The following ZFX variants were observed in gnomAD, a reference collection of about 807,000 sequenced individuals.
ZFX encodes zinc finger X-chromosomal protein.
For synonymous variants in ZFX, 196 were observed against 226.8 expected (o/e 0.86, Z 1.22); for missense variants, 362 against 628.3 (o/e 0.58, Z 4.53).
Position 24,214,252 on chromosome X carries a change from ATATCC to A in ZFX, c.*2880_*2884del, listed in dbSNP as rs1233831664. The stretch of plus-strand genomic sequence containing the variant: ...TAATATAAGTTATTGTTCTGTAGAA[ATATCC>A]TATTAAATATTGTATGTCCCTCCCT... On this transcript the variant is annotated 3_prime_UTR_variant, in exon 10 of 10. Transcript: ENST00000304543. The A allele has an allele frequency of 2.7e-5, 3 of 112,115 alleles. No individual in the cohort carries two copies. Among genetic ancestry groups the A allele is most frequent in the Non-Finnish European group, 5.6e-5 (3 of 53,118 alleles). 9.2% of individuals were successfully genotyped at this position (112,115 alleles called of 1,213,427 possible). A position where few individuals can be genotyped will look rare whatever the true frequency, so the allele number is the denominator to read the frequency against.
intron 4 of ZFX, among the ~76,000 whole-genome samples, chrX:24,178,528 A>T (rs1336227854): frequency 9.2e-6 from 1 of 108,987 alleles, no homozygotes; most frequent in African/African-American, 3.3e-5. Flanking sequence ...TGACCTGGTC[A>T]TCCGCCCGTC....
At chrX:24,172,930 T>TA in intron 4 of ZFX, 130 bp downstream of exon 4, 5 of 614,671 alleles carry the variant, frequency 8.1e-6, no homozygotes, top group African/African-American at 2.3e-5. Flanking sequence ...TCACAGGTGT[T>TA]ACGGTGAGCA....
At chrX:24,181,254 A>T (rs1935662383) in intron 5 of ZFX, among the ~76,000 whole-genome samples, 2 of 112,383 alleles carry the variant, frequency 1.8e-5, no homozygotes, top group African/African-American at 6.5e-5. Context: ...CAACACGTTT[A>T]TTGGACCCTG....
At chrX:24,188,480 G>A in intron 5 of ZFX, among the ~76,000 whole-genome samples, 1 of 111,581 alleles carries the variant, frequency 9.0e-6, no homozygotes, top group Non-Finnish European at 1.9e-5. Flanking sequence ...AGGTGGCTGA[G>A]GAGGGAAGAA....
chrX:24,163,220 G>GGT (rs57212971), intron 3 of ZFX, among the ~76,000 whole-genome samples: 28,584 of 86,273 alleles, frequency 0.33, 4,479 homozygotes, highest in South Asian at 0.6. Context: ...CAAGGTCTGT[G>GGT]GTGTGTGTGT....
Position 24,179,422 on chromosome X carries a change from T to G in ZFX, c.298T>G (p.Ser100Ala), listed in dbSNP as rs1327117189. ...CATCATTCCTGAGCAAGTGCTGGAC[T>G]CAGATGTAACTGAAGAAGTTTCTTT... ...TVIIPEQVLD[S>A]DVTEEVSLAH... Residue 100 changes from serine (S) to alanine (A), a missense_variant, in exon 5 of 10, where the codon TCA becomes GCA. Transcript: ENST00000304543. 1 of 1,212,411 alleles carries G rather than the reference T, an allele frequency of 8.2e-7. No homozygotes were observed. Among genetic ancestry groups the G allele is most frequent in the Non-Finnish European group, 1.1e-6 (1 of 895,667 alleles).
intron 2 of ZFX, among the ~76,000 whole-genome samples, 158 bp from the exon 3 acceptor site, chrX:24,152,562 C>T (rs1397629843): frequency 5.4e-5 from 6 of 111,678 alleles, no homozygotes; most frequent in Non-Finnish European, 9.4e-5. Flanking sequence ...GAATGAGAGT[C>T]TCATGTTTAT....
intron 5 of ZFX, among the ~76,000 whole-genome samples, chrX:24,194,746 ATT>A (rs149390246): frequency 9.8e-6 from 1 of 102,253 alleles, no homozygotes; most frequent in Non-Finnish European, 2.0e-5. Context: ...ACAGTAAAAA[ATT>A]TTTTTTTTTT....
chrX:24,185,952 C>G (rs1936077636), intron 5 of ZFX, among the ~76,000 whole-genome samples: 1 of 106,764 alleles, frequency 9.4e-6, no homozygotes, highest in African/African-American at 3.3e-5. Context: ...AAAACAACCC[C>G]TCCCAAAACC....
chrX:24,209,160 C>G lies in ZFX; in HGVS notation c.1234+120C>G, dbSNP rs1347232221. ...GCTGCTAGACCATATATAGCTTTGTCTATTGAACTTGAAAATATAATTTTC... is the reference window on the plus strand; with the variant it reads ...GCTGCTAGACCATATATAGCTTTGTGTATTGAACTTGAAAATATAATTTTC... On this transcript the variant is annotated intron_variant, in intron 9 of 9. Coordinates refer to ENST00000304543, the MANE Select transcript of ZFX (RefSeq NM_003410.4). 1.2e-5 allele frequency: 12 copies of G among 991,213 alleles called. No individual in the cohort carries two copies. The Admixed American group carries it at 1.5e-4, about 12-fold the overall frequency. 81.7% of individuals were successfully genotyped at this position (991,213 alleles called of 1,213,427 possible).
At chrX:24,187,538 A>C (rs1177189924) in intron 5 of ZFX, among the ~76,000 whole-genome samples, 1 of 111,926 alleles carries the variant, frequency 8.9e-6, no homozygotes, top group African/African-American at 3.2e-5. Flanking sequence ...TATTTAACTC[A>C]TTCTAGCAGA....
chrX:24,188,342 AT>A (rs1296171536), intron 5 of ZFX, among the ~76,000 whole-genome samples: 9 of 110,543 alleles, frequency 8.1e-5, no homozygotes, highest in Non-Finnish European at 1.3e-4. Context: ...TCCACATAAC[AT>A]TTTTTTCATA....
chrX:24,207,262 T>TTTTTTC, intron 5 of ZFX, 64 bp from the exon 6 acceptor site: 1 of 1,075,507 alleles, frequency 9.3e-7, no homozygotes, highest in Middle Eastern at 3.3e-4. Flanking sequence ...TTTTTTTTTT[T>TTTTTTC]GCGAATAGTA....
chrX:24,181,597 T>C (rs1348607068), intron 5 of ZFX, among the ~76,000 whole-genome samples: 1 of 112,286 alleles, frequency 8.9e-6, no homozygotes, highest in African/African-American at 3.2e-5. Context: ...TATATCTTTG[T>C]GTACGTTCTA....
intron 5 of ZFX, among the ~76,000 whole-genome samples, chrX:24,189,407 G>A (rs1936385068): frequency 8.9e-6 from 1 of 111,847 alleles, no homozygotes; most frequent in Admixed American, 9.5e-5. Context: ...GGTTTGCCCT[G>A]GCCATCTAGT....
chrX:24,178,417 T>C (rs1031088283), intron 4 of ZFX, among the ~76,000 whole-genome samples: 2 of 107,250 alleles, frequency 1.9e-5, no homozygotes, highest in African/African-American at 6.8e-5. Context: ...GCCTCCCAAG[T>C]AACTGGGACT....
At chrX:24,197,377 A>G (rs1427041309) in intron 5 of ZFX, among the ~76,000 whole-genome samples, 1 of 112,159 alleles carries the variant, frequency 8.9e-6, no homozygotes, top group Non-Finnish European at 1.9e-5. Context: ...CAAAATTCAG[A>G]AAGAAGCTGA....
At chrX:24,169,844 C>T (rs1033879026) in intron 3 of ZFX, among the ~76,000 whole-genome samples, 4 of 110,663 alleles carry the variant, frequency 3.6e-5, no homozygotes, top group Admixed American at 2.9e-4. Context: ...CACACCTGGG[C>T]TGAGCCGCAG....
At chrX:24,170,864 G>A (rs1338869324) in intron 3 of ZFX, among the ~76,000 whole-genome samples, 2 of 110,972 alleles carry the variant, frequency 1.8e-5, no homozygotes, top group African/African-American at 6.6e-5. Context: ...TACCCACCTC[G>A]GCCTCCCACG....
Sources: gnomAD v4.1 joint callset for allele counts (sites outside exome capture counted in the v4.1 genomes callset) on GRCh38, gnomAD v4.1.1 for gene constraint, MANE v1.5 for transcripts, NCBI Gene and HGNC (gene_info 2026-07-23, HGNC 2026-07-21) for gene names.